The following METTL15 variants were observed in gnomAD, a reference collection of about 807,000 sequenced individuals.
METTL15 encodes methyltransferase 15, mitochondrial 12S rRNA N4-cytidine.
Under a neutral mutation model 38.3 loss-of-function variants are expected in METTL15, and 34 were observed. That is an observed-to-expected ratio of 0.89 (90% CI 0.68 to 1.18). The LOEUF (loss-of-function observed/expected upper bound fraction) is 1.18. METTL15 is among the 50% of genes most tolerant of loss of function. The pLI, the probability that METTL15 is intolerant of heterozygous loss-of-function variation, is 0.00. For missense variants in METTL15, 438 were observed against 498.4 expected, an observed-to-expected ratio of 0.88 and a Z score of 1.15; for synonymous variants, 162 against 170.9, an observed-to-expected ratio of 0.95 and a Z score of 0.41.
intron 5 of METTL15, among the ~76,000 whole-genome samples, chr11:28,418,892 C>T (rs2133419393): frequency 6.6e-6 from 1 of 152,304 alleles, no homozygotes; most frequent in East Asian, 1.9e-4. Context: ...AGAGGGAAAT[C>T]ACCCATCCCA....
At chr11:28,258,840 A>T (rs960409096) in intron 4 of METTL15, among the ~76,000 whole-genome samples, 1 of 152,078 alleles carries the variant, frequency 6.6e-6, no homozygotes, top group South Asian at 2.1e-4. Flanking sequence ...AAAATGTGGG[A>T]CCTTAAGAGC....
chr11:28,393,260 G>A (rs567279637), intron 5 of METTL15, among the ~76,000 whole-genome samples: 1 of 152,234 alleles, frequency 6.6e-6, no homozygotes, highest in Admixed American at 6.5e-5. Flanking sequence ...AAAGTTTCAA[G>A]AGGTGGAAGT....
intron 4 of METTL15, chr11:28,287,600 TC>T: frequency 4.1e-6 from 1 of 241,804 alleles, no homozygotes; most frequent in Non-Finnish European, 8.3e-6. Context: ...CTTGAGAGCA[TC>T]AGCCAGGACA....
intron 3 of METTL15, among the ~76,000 whole-genome samples, chr11:28,344,210 T>C (rs1200973434): frequency 6.6e-6 from 1 of 152,174 alleles, no homozygotes; most frequent in Non-Finnish European, 1.5e-5. Flanking sequence ...CAAGCACCAT[T>C]TAGTTCTCCA....
At chr11:28,196,327 C>G (rs1851907894) in intron 3 of METTL15, among the ~76,000 whole-genome samples, 1 of 152,024 alleles carries the variant, frequency 6.6e-6, no homozygotes, top group African/African-American at 2.4e-5. Flanking sequence ...TTCTTCCAAT[C>G]CATGAACGTA....
chr11:28,252,577 T>G (rs1854791235), intron 4 of METTL15, among the ~76,000 whole-genome samples: 2 of 152,174 alleles, frequency 1.3e-5, no homozygotes, highest in South Asian at 2.1e-4. Context: ...TTAAAGAAAA[T>G]TTCTTCACTT....
chr11:28,487,619 C>CTTATTT (rs1031375671), intron 6 of METTL15, among the ~76,000 whole-genome samples: 7 of 152,038 alleles, frequency 4.6e-5, no homozygotes, highest in African/African-American at 1.7e-4. Flanking sequence ...AATAAAAAAG[C>CTTATTT]TTATTTTAAA....
chr11:28,285,673 A>C lies in METTL15; in HGVS notation c.408-4533A>C, dbSNP rs571306751. Among the ~76,000 whole-genome samples the C allele has an allele frequency of 3.9e-5, 6 of 152,228 alleles. No homozygotes were observed. In the East Asian group the frequency reaches 1.2e-3, roughly 29 times the overall value. ...AGTGGCCTGGTTAATCTTTCTCTCT[A>C]CTTTGCTTTCTATAGTGTTGGCCAA... On this transcript the variant is annotated intron_variant, in intron 4 of 6. Coordinates refer to ENST00000407364, the MANE Select transcript of METTL15 (RefSeq NM_001113528.2).
chr11:28,117,753 C>A (rs746401367), intron 3 of METTL15, among the ~76,000 whole-genome samples: 1 of 152,168 alleles, frequency 6.6e-6, no homozygotes, highest in African/African-American at 2.4e-5. Context: ...TGCTGTCTGG[C>A]AGACAGCTTT....
At chr11:28,309,345 G>A (rs1415258188) in intron 6 of METTL15, among the ~76,000 whole-genome samples, 1 of 152,084 alleles carries the variant, frequency 6.6e-6, no homozygotes, top group Admixed American at 6.6e-5. Flanking sequence ...TTGGTTCCCA[G>A]CTAACTTGTT....
At chr11:28,390,977 T>C (rs1255056258) in intron 5 of METTL15, among the ~76,000 whole-genome samples, 1 of 152,194 alleles carries the variant, frequency 6.6e-6, no homozygotes, top group East Asian at 1.9e-4. Flanking sequence ...AAGTATTTTA[T>C]TCTCTTTGAA....
chr11:28,207,746 T>A (rs1852419998), intron 3 of METTL15, among the ~76,000 whole-genome samples: 1 of 152,170 alleles, frequency 6.6e-6, no homozygotes, highest in Non-Finnish European at 1.5e-5. Context: ...TCCTGGACCC[T>A]TTTTGGATGG....
intron 4 of METTL15, among the ~76,000 whole-genome samples, chr11:28,228,801 T>A (rs2133878441): frequency 6.6e-6 from 1 of 152,036 alleles, no homozygotes; most frequent in South Asian, 2.1e-4. Context: ...GATATGTTAT[T>A]TTTAAATTTT....
chr11:28,374,732 C>G (rs887414391), intron 5 of METTL15, among the ~76,000 whole-genome samples: 28 of 151,372 alleles, frequency 1.8e-4, no homozygotes, highest in East Asian at 5.8e-4. Flanking sequence ...GAGGGCATCC[C>G]TGTCTTGTGC....
chr11:28,241,213 T>C (rs1009024956), intron 4 of METTL15, among the ~76,000 whole-genome samples: 1 of 152,094 alleles, frequency 6.6e-6, no homozygotes, highest in African/African-American at 2.4e-5. Context: ...TTTTCTAGTA[T>C]GTTAACAAAG....
intron 4 of METTL15, among the ~76,000 whole-genome samples, chr11:28,266,610 A>G (rs1339048782): frequency 6.6e-6 from 1 of 152,122 alleles, no homozygotes; most frequent in Non-Finnish European, 1.5e-5. Flanking sequence ...CTCTCACTCT[A>G]CATCCAGTCC....
chr11:28,185,896 T>C (rs1851476458), intron 3 of METTL15, among the ~76,000 whole-genome samples: 1 of 149,236 alleles, frequency 6.7e-6, no homozygotes, highest in Admixed American at 6.7e-5. Flanking sequence ...TAAATAAATA[T>C]ATAAATATAC....
intron 3 of METTL15, among the ~76,000 whole-genome samples, chr11:28,127,898 A>G (rs1051261830): frequency 6.6e-6 from 1 of 152,100 alleles, no homozygotes; most frequent in Non-Finnish European, 1.5e-5. Flanking sequence ...TTGGTACATT[A>G]TTTGAAATTT....
chr11:28,407,700 T>C (rs796448540), intron 5 of METTL15, among the ~76,000 whole-genome samples: 5 of 152,300 alleles, frequency 3.3e-5, no homozygotes, highest in African/African-American at 1.2e-4. Context: ...GCTTTTACGC[T>C]GTTGGTGGGA....
Sources: gnomAD v4.1 joint callset for allele counts (sites outside exome capture counted in the v4.1 genomes callset) on GRCh38, gnomAD v4.1.1 for gene constraint, MANE v1.5 for transcripts, NCBI Gene and HGNC (gene_info 2026-07-23, HGNC 2026-07-21) for gene names.